FARSB: variants seen among roughly 807,000 people sequenced by gnomAD.
FARSB encodes phenylalanine--tRNA ligase beta subunit.
Under a neutral mutation model 69.6 loss-of-function variants are expected in FARSB, and 40 were observed. The observed-to-expected ratio is 0.57, with a 90% confidence interval of 0.45 to 0.75. FARSB has a LOEUF of 0.75. FARSB is among the 30% of genes least tolerant of loss of function. The pLI is 0.00. For missense variants in FARSB, 632 were observed against 722.9 expected (o/e 0.87, Z 1.44); for synonymous variants, 235 against 247.2 (o/e 0.95, Z 0.46).
At position 222,591,454 on chromosome 2, in the gene FARSB, A is replaced by G. The variant is rs149770674; in HGVS notation, c.1618+8474T>C. ...TAGACAGATATCAATCACTTTTCAC[A>G]CTCACAATGTACCACCTCTATGTGA... On this transcript the variant is annotated intron_variant, in intron 16 of 16. Transcript: ENST00000281828. Among the ~76,000 whole-genome samples, 1,208 of 152,330 alleles carry G rather than the reference A, an allele frequency of 7.9e-3. 15 individuals carry two copies. The highest frequency in any genetic ancestry group is 0.028 in the African/African-American group (1,162 of 41,582).
intron 15 of FARSB, among the ~76,000 whole-genome samples, chr2:222,602,815 C>CA (rs1690597626): frequency 1.3e-5 from 2 of 152,000 alleles, no homozygotes; most frequent in Non-Finnish European, 2.9e-5. Context: ...TTTCATCTCT[C>CA]ATTAGCACTT....
chr2:222,588,829 A>C (rs960177760), intron 16 of FARSB, among the ~76,000 whole-genome samples: 1 of 152,206 alleles, frequency 6.6e-6, no homozygotes, highest in Non-Finnish European at 1.5e-5. Flanking sequence ...CTTCAAGGAG[A>C]ACTACAAACC....
chr2:222,619,473 AG>A (rs1691086899), intron 14 of FARSB, among the ~76,000 whole-genome samples, 171 bp downstream of exon 14: 1 of 152,224 alleles, frequency 6.6e-6, no homozygotes, highest in South Asian at 2.1e-4. Flanking sequence ...AAAAGTGTAA[AG>A]AATTTTTGGC....
intron 1 of FARSB, among the ~76,000 whole-genome samples, chr2:222,653,515 C>T (rs1173479123): frequency 2.0e-5 from 3 of 151,906 alleles, no homozygotes; most frequent in African/African-American, 7.3e-5. Flanking sequence ...CAATTCTGAC[C>T]TCAACCCAGT....
chr2:222,642,597 C>A (rs559083920), intron 3 of FARSB, among the ~76,000 whole-genome samples: 4 of 152,124 alleles, frequency 2.6e-5, no homozygotes, highest in African/African-American at 7.2e-5. Context: ...TTTTTTAAGA[C>A]GCCATAAAAG....
intron 3 of FARSB, among the ~76,000 whole-genome samples, chr2:222,641,780 T>C (rs1691725728): frequency 6.6e-6 from 1 of 152,176 alleles, no homozygotes; most frequent in African/African-American, 2.4e-5. Context: ...GGAAACCAAC[T>C]GAGTCAACTC....
chr2:222,610,976 A>C (rs1690834751), intron 15 of FARSB, among the ~76,000 whole-genome samples: 1 of 152,200 alleles, frequency 6.6e-6, no homozygotes, highest in South Asian at 2.1e-4. Context: ...TCCTCTATGT[A>C]CAGCAGATGA....
intron 14 of FARSB, among the ~76,000 whole-genome samples, chr2:222,614,640 T>G (rs1365933623): frequency 6.6e-6 from 1 of 152,136 alleles, no homozygotes; most frequent in Non-Finnish European, 1.5e-5. Flanking sequence ...AGGCTAGTAG[T>G]TCAAGACCAG....
intron 3 of FARSB, among the ~76,000 whole-genome samples, chr2:222,642,072 A>T (rs1691734182): frequency 6.7e-6 from 1 of 150,140 alleles, no homozygotes. Flanking sequence ...GCAAATCTCG[A>T]CTCACTGCAA....
intron 10 of FARSB, 101 bp downstream of exon 10, chr2:222,628,735 TG>T: frequency 4.0e-6 from 3 of 746,122 alleles, no homozygotes; most frequent in Non-Finnish European, 7.0e-6. Context: ...GGCACACGGG[TG>T]GGTAGGTAGG....
At chr2:222,598,476 T>G (rs1489964947) in intron 16 of FARSB, among the ~76,000 whole-genome samples, 1 of 152,230 alleles carries the variant, frequency 6.6e-6, no homozygotes, top group Non-Finnish European at 1.5e-5. Context: ...CTTTCAAGTA[T>G]GAAAGAAATT....
intron 3 of FARSB, 27 bp downstream of exon 3, chr2:222,642,824 A>T: frequency 6.6e-7 from 1 of 1,525,668 alleles, no homozygotes; most frequent in Non-Finnish European, 8.8e-7. Flanking sequence ...CAACTTAGCA[A>T]AGTCTTTAAG....
At chr2:222,644,477 T>C in intron 2 of FARSB, 1 of 447,916 alleles carries the variant, frequency 2.2e-6, no homozygotes, top group South Asian at 1.6e-5. Flanking sequence ...GTTTAAACAA[T>C]GTTCAATCAA....
intron 4 of FARSB, among the ~76,000 whole-genome samples, 197 bp downstream of exon 4, chr2:222,640,665 A>C (rs1691697305): frequency 6.6e-6 from 1 of 152,182 alleles, no homozygotes; most frequent in Non-Finnish European, 1.5e-5. Flanking sequence ...CTGAGGTGGG[A>C]GGATCACTTG....
chr2:222,574,948 T>C (rs1293452168), intron 16 of FARSB, among the ~76,000 whole-genome samples: 4 of 152,180 alleles, frequency 2.6e-5, no homozygotes, highest in Non-Finnish European at 4.4e-5. Flanking sequence ...AAGGAAAATA[T>C]AACGTTACTA....
In FARSB at chr2:222,617,740, A is replaced by T. The variant is rs945342985; in HGVS notation, c.1344+1905T>A. ...CTCTATTAAAGTACAAAAATTAGCA[A>T]GGTATGGTAGCACACACCTGTAATC... is the stretch of plus-strand genomic sequence containing the variant. On this transcript the variant is annotated intron_variant, in intron 14 of 16. Transcript: ENST00000281828. 1.1e-4 allele frequency among the ~76,000 whole-genome samples: 16 copies of T among 152,232 alleles called. No individual in the cohort carries two copies. In the East Asian group the frequency reaches 3.1e-3, roughly 29 times the overall value.
In FARSB at chr2:222,644,579, A is replaced by G. The variant is rs1273409916; in HGVS notation, c.115-1574T>C. On this transcript the variant is annotated intron_variant, in intron 2 of 16. Transcript: ENST00000281828. Reference sequence around the variant, plus strand: ...CTCAGGAGGGACCTATATACAGAGAAGATAATATAATAACCGGAGAAATGA... The same window carrying G: ...CTCAGGAGGGACCTATATACAGAGAGGATAATATAATAACCGGAGAAATGA... 6.8e-6 allele frequency: 3 copies of G among 444,072 alleles called. No homozygotes were observed. The Admixed American group carries it at 7.3e-5, about 11-fold the overall frequency. 27.5% of individuals were successfully genotyped at this position (444,072 alleles called of 1,614,324 possible). A position where few individuals can be genotyped will look rare whatever the true frequency, so the allele number is the denominator to read the frequency against.
chr2:222,618,316 T>C (rs1300136753), intron 14 of FARSB, among the ~76,000 whole-genome samples: 1 of 152,196 alleles, frequency 6.6e-6, no homozygotes, highest in African/African-American at 2.4e-5. Context: ...AGAATTCTTT[T>C]TAGAACTAAC....
At chr2:222,575,181 G>A (rs1689805634) in intron 16 of FARSB, among the ~76,000 whole-genome samples, 1 of 152,152 alleles carries the variant, frequency 6.6e-6, no homozygotes, top group Admixed American at 6.5e-5. Context: ...CAATAACTCC[G>A]GTAGATTAAT....
Sources: allele counts gnomAD v4.1 joint callset (sites outside exome capture counted in the v4.1 genomes callset), GRCh38; gene constraint gnomAD v4.1.1; transcripts MANE v1.5; gene names NCBI Gene and HGNC (gene_info 2026-07-23, HGNC 2026-07-21).